The following NKAIN3 variants were observed in gnomAD, a reference collection of about 807,000 sequenced individuals.
The protein encoded by NKAIN3 is sodium/potassium-transporting ATPase subunit beta-1-interacting protein 3.
In NKAIN3, 25 loss-of-function variants were observed where a neutral mutation model predicts 30.2. That is an observed-to-expected ratio of 0.83 (90% CI 0.60 to 1.16). NKAIN3 has a LOEUF of 1.16. Among genes scored for constraint, NKAIN3 ranks in the 50% most tolerant of loss-of-function variants. The probability of loss-of-function intolerance (pLI) is 0.00; values close to 1 mark genes in which losing one functional copy is unlikely to be tolerated. For synonymous variants in NKAIN3, 91 were observed against 89.6 expected, an observed-to-expected ratio of 1.02 and a Z score of -0.09; for missense variants, 225 against 254.1, an observed-to-expected ratio of 0.89 and a Z score of 0.78.
At chr8:62,791,580 G>C (rs1817702019) in intron 4 of NKAIN3, among the ~76,000 whole-genome samples, 1 of 152,042 alleles carries the variant, frequency 6.6e-6, no homozygotes, top group South Asian at 2.1e-4. Context: ...TGTAGACCAA[G>C]ACATAAATTG....
chr8:62,446,993 A>T (rs1424997809), intron 1 of NKAIN3, among the ~76,000 whole-genome samples: 2 of 152,204 alleles, frequency 1.3e-5, no homozygotes, highest in East Asian at 3.9e-4. Flanking sequence ...GATAAGACAA[A>T]CTAATAAGAC....
intron 1 of NKAIN3, among the ~76,000 whole-genome samples, chr8:62,452,719 G>A (rs944333727): frequency 1.3e-5 from 2 of 152,050 alleles, no homozygotes; most frequent in Admixed American, 1.3e-4. Flanking sequence ...CATTACTCTT[G>A]ATTTCTTAAT....
intron 6 of NKAIN3, among the ~76,000 whole-genome samples, chr8:62,957,197 T>G (rs1327751474): frequency 6.6e-6 from 1 of 152,018 alleles, no homozygotes; most frequent in Non-Finnish European, 1.5e-5. Context: ...GCAGTGGCAC[T>G]ATCTCGGCTC....
intron 1 of NKAIN3, among the ~76,000 whole-genome samples, chr8:62,399,705 T>C (rs1817876151): frequency 6.6e-6 from 1 of 152,106 alleles, no homozygotes; most frequent in African/African-American, 2.4e-5. Context: ...AACTACACCT[T>C]AGAATGGTGC....
chr8:62,992,860 A>T (rs1824349576), intron 5 of NKAIN3, among the ~76,000 whole-genome samples: 1 of 152,158 alleles, frequency 6.6e-6, no homozygotes, highest in Non-Finnish European at 1.5e-5. Context: ...GTTGAATCCT[A>T]TACTTGCCTT....
chr8:62,349,705 C>A (rs761235524), intron 1 of NKAIN3, among the ~76,000 whole-genome samples: 1 of 152,044 alleles, frequency 6.6e-6, no homozygotes, highest in Non-Finnish European at 1.5e-5. Context: ...TATTAAAGTC[C>A]GTGAAATCCT....
chr8:62,453,492 C>A (rs1043332724), intron 1 of NKAIN3, among the ~76,000 whole-genome samples: 2 of 151,830 alleles, frequency 1.3e-5, no homozygotes, highest in African/African-American at 4.8e-5. Flanking sequence ...AGTAAACCAG[C>A]CCCAGGTCTA....
At chr8:62,326,901 A>G (rs1815159470) in intron 1 of NKAIN3, among the ~76,000 whole-genome samples, 1 of 152,012 alleles carries the variant, frequency 6.6e-6, no homozygotes, top group African/African-American at 2.4e-5. Context: ...AGTGTCCTGC[A>G]TCATTTTACG....
At chr8:62,934,546 A>G (rs1822724878) in intron 5 of NKAIN3, among the ~76,000 whole-genome samples, 1 of 152,112 alleles carries the variant, frequency 6.6e-6, no homozygotes, top group South Asian at 2.1e-4. Flanking sequence ...ACAAAAAGCA[A>G]TGACAGAAGC....
chr8:62,382,092 T>C (rs1295454009), intron 1 of NKAIN3, among the ~76,000 whole-genome samples: 1 of 152,122 alleles, frequency 6.6e-6, no homozygotes, highest in African/African-American at 2.4e-5. Context: ...AAAATCCAAG[T>C]ATAAATTTTG....
intron 4 of NKAIN3, among the ~76,000 whole-genome samples, chr8:62,799,621 A>G (rs930837758): frequency 3.3e-5 from 5 of 152,230 alleles, no homozygotes; most frequent in African/African-American, 9.6e-5. Flanking sequence ...TATAACCACA[A>G]TGAAAAACAG....
intron 3 of NKAIN3, among the ~76,000 whole-genome samples, chr8:62,691,514 T>G (rs949376298): frequency 1.3e-5 from 2 of 152,194 alleles, no homozygotes; most frequent in African/African-American, 4.8e-5. Flanking sequence ...ATTCAAGAAT[T>G]TTTAACATAA....
intron 1 of NKAIN3, among the ~76,000 whole-genome samples, chr8:62,345,138 G>T (rs1674382171): frequency 6.6e-6 from 1 of 151,266 alleles, no homozygotes; most frequent in Non-Finnish European, 1.5e-5. Flanking sequence ...AACTCTACTG[G>T]TTATTGTTTG....
chr8:62,503,922 G>A (rs1011807509), intron 1 of NKAIN3, among the ~76,000 whole-genome samples: 1 of 152,136 alleles, frequency 6.6e-6, no homozygotes, highest in Non-Finnish European at 1.5e-5. Context: ...GGGTCCTGAG[G>A]TGATGTACCT....
chr8:62,903,754 TC>T (rs906593696), intron 4 of NKAIN3, among the ~76,000 whole-genome samples: 2 of 152,174 alleles, frequency 1.3e-5, no homozygotes, highest in African/African-American at 4.8e-5. Context: ...TCACAGTTCA[TC>T]ATGGTTGGGG....
chr8:62,708,064 A>G (rs1284678408), intron 3 of NKAIN3, among the ~76,000 whole-genome samples: 1 of 152,096 alleles, frequency 6.6e-6, no homozygotes, highest in African/African-American at 2.4e-5. Context: ...TGGGTTCTCT[A>G]TTCTGTTCCA....
At chr8:62,837,674 A>G (rs2130754519) in intron 4 of NKAIN3, among the ~76,000 whole-genome samples, 1 of 152,282 alleles carries the variant, frequency 6.6e-6, no homozygotes, top group Non-Finnish European at 1.5e-5. Context: ...AGTAGATTTG[A>G]CAAAATGAGA....
Position 62,701,917 on chromosome 8 carries a change from A to G in NKAIN3, c.274-45015A>G, listed in dbSNP as rs563260396. ...GTCCACCTACGCTCCACTTAACCCC[A>G]TATACTCAGAATGCGCAGTGCGGCA... On this transcript the variant is annotated intron_variant, in intron 3 of 6. Coordinates refer to ENST00000623646, the MANE Select transcript of NKAIN3 (RefSeq NM_001304533.3). 2.3e-4 allele frequency among the ~76,000 whole-genome samples: 35 copies of G among 152,276 alleles called. No individual in the cohort carries two copies. In the South Asian group the frequency reaches 6.8e-3, roughly 30 times the overall value.
At chr8:62,702,758 G>C (rs772687275) in intron 3 of NKAIN3, among the ~76,000 whole-genome samples, 4 of 152,124 alleles carry the variant, frequency 2.6e-5, no homozygotes, top group Admixed American at 2.0e-4. Context: ...AAATAGTTCT[G>C]TTGTTGTAGA....
Sources: allele counts gnomAD v4.1 joint callset (sites outside exome capture counted in the v4.1 genomes callset), GRCh38; gene constraint gnomAD v4.1.1; transcripts MANE v1.5; gene names NCBI Gene and HGNC (gene_info 2026-07-23, HGNC 2026-07-21).